PCSK2: variants seen among roughly 807,000 people sequenced by gnomAD.
PCSK2 encodes proprotein convertase subtilisin/kexin type 2.
PCSK2 carries 14 observed loss-of-function variants against 69.7 expected under a neutral mutation model. The observed-to-expected ratio is 0.20, with a 90% CI of 0.13 to 0.31. PCSK2 has a LOEUF of 0.31. PCSK2 is among the 10% of genes least tolerant of loss of function. The pLI, the probability that PCSK2 is intolerant of heterozygous loss-of-function variation, is 1.00. For synonymous variants in PCSK2, 307 were observed against 320.7 expected (o/e 0.96, Z 0.46); for missense variants, 544 against 842.5 (o/e 0.65, Z 4.39).
At chr20:17,371,497 A>T (rs2030761836) in intron 5 of PCSK2, among the ~76,000 whole-genome samples, 1 of 152,180 alleles carries the variant, frequency 6.6e-6, no homozygotes, top group Admixed American at 6.5e-5. Flanking sequence ...TGTGAGTCTC[A>T]AGTTCTTTTT....
In PCSK2 at chr20:17,349,057, T is replaced by C. The variant is rs970322570; in HGVS notation, c.283-9270T>C. Among the ~76,000 whole-genome samples, 4 of 152,290 alleles carry C rather than the reference T, an allele frequency of 2.6e-5. No homozygotes were observed. In the East Asian group the frequency reaches 7.7e-4, roughly 29 times the overall value. On this transcript the variant is annotated intron_variant, in intron 2 of 11. Coordinates refer to ENST00000262545, the MANE Select transcript of PCSK2 (RefSeq NM_002594.5). Reference sequence around the variant, plus strand: ...GGGAAAATAACTGAGATAATGTACATGAGTACTCAGGGCACTGCCCAGCGC... The same window carrying C: ...GGGAAAATAACTGAGATAATGTACACGAGTACTCAGGGCACTGCCCAGCGC...
At chr20:17,466,993 C>A (rs1296977230) in intron 11 of PCSK2, among the ~76,000 whole-genome samples, 2 of 152,200 alleles carry the variant, frequency 1.3e-5, no homozygotes, top group Non-Finnish European at 2.9e-5. Flanking sequence ...GAGAATACAC[C>A]TCCGTGGCTT....
intron 2 of PCSK2, among the ~76,000 whole-genome samples, chr20:17,272,354 G>T (rs1987902060): frequency 6.6e-6 from 1 of 152,088 alleles, no homozygotes; most frequent in South Asian, 2.1e-4. Flanking sequence ...TTTTGTGGAA[G>T]TCATAGATCT....
intron 6 of PCSK2, among the ~76,000 whole-genome samples, chr20:17,415,757 G>A (rs1350304392): frequency 6.6e-6 from 1 of 152,136 alleles, no homozygotes; most frequent in African/African-American, 2.4e-5. Flanking sequence ...AAAGCTGGAG[G>A]CATCACGCTA....
intron 1 of PCSK2, among the ~76,000 whole-genome samples, chr20:17,238,432 AG>A (rs1398393643): frequency 2.0e-5 from 3 of 152,170 alleles, no homozygotes; most frequent in Non-Finnish European, 4.4e-5. Flanking sequence ...CAGAACAGGA[AG>A]GGATCCTAGA....
chr20:17,446,473 G>T (rs2032700933), intron 8 of PCSK2, among the ~76,000 whole-genome samples: 1 of 152,100 alleles, frequency 6.6e-6, no homozygotes, highest in Admixed American at 6.6e-5. Flanking sequence ...TGATTAAAAT[G>T]GCTTATAAGA....
intron 5 of PCSK2, among the ~76,000 whole-genome samples, chr20:17,372,496 G>A (rs1459390732): frequency 6.6e-6 from 1 of 152,070 alleles, no homozygotes; most frequent in African/African-American, 2.4e-5. Context: ...TCAAGAGGAA[G>A]TTTGATGGCC....
chr20:17,398,523 CAAAAAAA>C (rs36062712), intron 5 of PCSK2, among the ~76,000 whole-genome samples: 1 of 85,212 alleles, frequency 1.2e-5, no homozygotes, highest in Admixed American at 1.5e-4. Flanking sequence ...GATCCTGTCT[CAAAAAAA>C]AAAAAAAAAA....
At chr20:17,388,540 T>C (rs1190117913) in intron 5 of PCSK2, among the ~76,000 whole-genome samples, 1 of 152,126 alleles carries the variant, frequency 6.6e-6, no homozygotes, top group Non-Finnish European at 1.5e-5. Flanking sequence ...TAACATAAGA[T>C]GATATCTGCA....
chr20:17,334,614 G>A (rs1459912033), intron 2 of PCSK2, among the ~76,000 whole-genome samples: 1 of 152,122 alleles, frequency 6.6e-6, no homozygotes, highest in Non-Finnish European at 1.5e-5. Context: ...GAAACTGGTG[G>A]TAAAGTTAAG....
chr20:17,315,613 T>A (rs184258227), intron 2 of PCSK2, among the ~76,000 whole-genome samples: 396 of 152,334 alleles, frequency 2.6e-3, no homozygotes, highest in African/African-American at 8.7e-3. Context: ...CAGCTCCCTC[T>A]GCCCCAAACG....
intron 5 of PCSK2, among the ~76,000 whole-genome samples, chr20:17,396,080 G>C (rs1448568775): frequency 6.6e-6 from 1 of 152,168 alleles, no homozygotes; most frequent in Non-Finnish European, 1.5e-5. Flanking sequence ...CAACATCAGA[G>C]AACACCCAGT....
At chr20:17,429,608 G>A in intron 7 of PCSK2, 85 bp downstream of exon 7, 3 of 879,034 alleles carry the variant, frequency 3.4e-6, no homozygotes, top group South Asian at 2.2e-5. Context: ...AAATCCCACT[G>A]GTGCAGAAAA....
chr20:17,358,339 T>C lies in PCSK2; in HGVS notation c.295T>C (p.Leu99=), dbSNP rs755990857. The C allele has an allele frequency of 1.2e-6, 2 of 1,601,358 alleles. No homozygotes were observed. Among genetic ancestry groups the C allele is most frequent in the South Asian group, 1.1e-5 (1 of 90,788 alleles). Residue 99 remains leucine, a synonymous_variant, in exon 3 of 12, where the codon TTG becomes CTG. Coordinates refer to ENST00000262545, the MANE Select transcript of PCSK2 (RefSeq NM_002594.5). ...LERDPRVKMA[L]QQEGFDRKKR... ...ATTGTCATTCCAGGTAAAGATGGCT[T>C]TGCAGCAGGAAGGATTTGACCGAAA...
rs148799250 is a variant in PCSK2, at chr20:17,307,432, T to G, written c.282+47088T>G. Among the ~76,000 whole-genome samples the G allele has an allele frequency of 1.4e-3, 220 of 152,268 alleles. 1 individual carries two copies. Among genetic ancestry groups the G allele is most frequent in the African/African-American group, 5.1e-3 (211 of 41,556 alleles). On this transcript the variant is annotated intron_variant, in intron 2 of 11. Coordinates refer to ENST00000262545, the MANE Select transcript of PCSK2 (RefSeq NM_002594.5). ...GGTCATAAGAATGAGCCATGGGGAA[T>G]ATGACAAACAGCCTGGTGTGGCCAA...
intron 2 of PCSK2, among the ~76,000 whole-genome samples, chr20:17,335,969 T>C (rs1192187458): frequency 1.3e-5 from 2 of 151,964 alleles, no homozygotes; most frequent in Non-Finnish European, 2.9e-5. Context: ...TTGAATTGTG[T>C]GGCTCATCAC....
At chr20:17,474,874 T>C (rs1199662768) in intron 11 of PCSK2, among the ~76,000 whole-genome samples, 3 of 152,198 alleles carry the variant, frequency 2.0e-5, no homozygotes, top group Admixed American at 2.0e-4. Context: ...GAGGCCCATA[T>C]TCTGTATCAC....
intron 5 of PCSK2, among the ~76,000 whole-genome samples, chr20:17,386,469 G>A (rs1313327882): frequency 1.3e-5 from 2 of 152,104 alleles, no homozygotes; most frequent in East Asian, 3.9e-4. Flanking sequence ...TTTCAGGAAG[G>A]AAATTCTGTT....
intron 6 of PCSK2, among the ~76,000 whole-genome samples, chr20:17,416,556 G>A (rs1006899434): frequency 4.7e-5 from 7 of 149,930 alleles, no homozygotes; most frequent in South Asian, 2.2e-4. Flanking sequence ...AAATAGGAAC[G>A]CTTTTGCACT....
Sources: allele counts gnomAD v4.1 joint callset (sites outside exome capture counted in the v4.1 genomes callset), GRCh38; gene constraint gnomAD v4.1.1; transcripts MANE v1.5; gene names NCBI Gene and HGNC (gene_info 2026-07-23, HGNC 2026-07-21).